The following BMPR1A variants were observed in gnomAD, a reference collection of about 807,000 sequenced individuals.
BMPR1A encodes the protein bone morphogenetic protein receptor type-1A.
BMPR1A carries 7 observed loss-of-function variants against 66.0 expected under a neutral mutation model. The ratio of observed to expected loss-of-function variants is 0.11; its 90% CI spans 0.06 to 0.20. BMPR1A has a LOEUF of 0.20. Among genes scored for constraint, BMPR1A ranks in the 10% least tolerant of loss-of-function variants. BMPR1A has a pLI of 1.00. For missense variants in BMPR1A, 408 were observed against 669.1 expected (o/e 0.61, Z 4.31); for synonymous variants, 200 against 229.7 (o/e 0.87, Z 1.17).
At position 86,826,411 on chromosome 10, in the gene BMPR1A, A is replaced by AACACACATACACACACACAC. The variant is rs71477611; in HGVS notation, c.-267-12447_-267-12446insTACACACACACACACACACA. On this transcript the variant is annotated intron_variant, in intron 1 of 12. Transcript: ENST00000372037. ...ATTTGATCCAGAAACCAATCAAGGA[A>AACACACATACACACACACAC]ACACACACACACACACACACACACA... 4.6e-3 allele frequency among the ~76,000 whole-genome samples: 679 copies of AACACACATACACACACACAC among 147,098 alleles called. 5 individuals are homozygous for AACACACATACACACACACAC. The highest frequency in any genetic ancestry group is 0.013 in the African/African-American group (515 of 40,002).
intron 2 of BMPR1A, among the ~76,000 whole-genome samples, chr10:86,841,407 T>C (rs1341171238): frequency 6.6e-6 from 1 of 152,154 alleles, no homozygotes; most frequent in African/African-American, 2.4e-5. Context: ...AATTTGAAAA[T>C]ACAGGTGACC....
At chr10:86,879,811 A>C (rs1215254040) in intron 3 of BMPR1A, among the ~76,000 whole-genome samples, 1 of 152,206 alleles carries the variant, frequency 6.6e-6, no homozygotes, top group African/African-American at 2.4e-5. Context: ...AGTGATAAAG[A>C]TGAAGTGGGA....
At chr10:86,880,043 T>G (rs1842966879) in intron 3 of BMPR1A, among the ~76,000 whole-genome samples, 1 of 152,248 alleles carries the variant, frequency 6.6e-6, no homozygotes, top group Non-Finnish European at 1.5e-5. Context: ...TTGTGGAGAC[T>G]GAACAGCTTT....
downstream of BMPR1A, chr10:86,932,619 A>G (rs1392494148): frequency 5.3e-5 from 8 of 152,366 alleles, no homozygotes. Context: ...ACCCGCTCCA[A>G]GAGAGCTGAG....
At chr10:86,867,449 T>C (rs1842800528) in intron 2 of BMPR1A, among the ~76,000 whole-genome samples, 1 of 152,238 alleles carries the variant, frequency 6.6e-6, no homozygotes, top group African/African-American at 2.4e-5. Flanking sequence ...TCGCCTGTTT[T>C]TGGTCATTTC....
At chr10:86,786,970 C>T (rs901342674) in intron 1 of BMPR1A, among the ~76,000 whole-genome samples, 2 of 152,124 alleles carry the variant, frequency 1.3e-5, no homozygotes, top group Non-Finnish European at 2.9e-5. Context: ...AATCAGGCGG[C>T]TAGCTAGTTT....
chr10:86,866,762 T>C (rs1842793085), intron 2 of BMPR1A, among the ~76,000 whole-genome samples: 1 of 152,102 alleles, frequency 6.6e-6, no homozygotes, highest in Admixed American at 6.6e-5. Context: ...ACTTCCAGTT[T>C]CCTGTTTAAC....
intron 1 of BMPR1A, among the ~76,000 whole-genome samples, chr10:86,817,228 T>A (rs1001779632): frequency 6.6e-6 from 1 of 152,228 alleles, no homozygotes; most frequent in African/African-American, 2.4e-5. Flanking sequence ...ACTCATCTTG[T>A]AAAGCTGAAA....
At chr10:86,861,137 G>T (rs528504097) in intron 2 of BMPR1A, among the ~76,000 whole-genome samples, 3 of 152,180 alleles carry the variant, frequency 2.0e-5, no homozygotes, top group African/African-American at 7.2e-5. Context: ...CACCGCGCCT[G>T]GCCTAGAACT....
At chr10:86,910,374 A>G (rs765259715) in intron 7 of BMPR1A, among the ~76,000 whole-genome samples, 11 of 152,152 alleles carry the variant, frequency 7.2e-5, no homozygotes, top group Middle Eastern at 3.2e-3. Flanking sequence ...AAGATTACCA[A>G]TAGGTGAATG....
chr10:86,803,300 C>CA (rs1433519096), intron 1 of BMPR1A, among the ~76,000 whole-genome samples: 11 of 151,016 alleles, frequency 7.3e-5, no homozygotes, highest in Admixed American at 6.0e-4. Context: ...AGGCTGATCT[C>CA]AAACTCCTGG....
intron 1 of BMPR1A, among the ~76,000 whole-genome samples, chr10:86,834,339 C>A (rs1312208519): frequency 6.6e-6 from 1 of 152,160 alleles, no homozygotes; most frequent in Non-Finnish European, 1.5e-5. Context: ...AGTTTTGTAT[C>A]ATTGAGTTGT....
At chr10:86,856,733 G>A (rs953230025) in intron 2 of BMPR1A, among the ~76,000 whole-genome samples, 1 of 152,114 alleles carries the variant, frequency 6.6e-6, no homozygotes, top group Non-Finnish European at 1.5e-5. Context: ...AGGTTTAAGG[G>A]TGCAGTTCCC....
intron 1 of BMPR1A, among the ~76,000 whole-genome samples, chr10:86,777,981 C>G (rs1174480625): frequency 2.7e-5 from 4 of 150,432 alleles, no homozygotes; most frequent in Admixed American, 6.6e-5. Context: ...CCATTGCACT[C>G]CAGCCTGGGT....
intron 1 of BMPR1A, among the ~76,000 whole-genome samples, chr10:86,822,340 A>G (rs893572082): frequency 3.3e-5 from 5 of 152,118 alleles, no homozygotes; most frequent in African/African-American, 1.2e-4. Context: ...TTTTTTGTTA[A>G]TGGTTTGAAA....
chr10:86,855,806 G>T, intron 2 of BMPR1A: 1 of 1,123,590 alleles, frequency 8.9e-7, no homozygotes, highest in Non-Finnish European at 1.3e-6. Flanking sequence ...TCTGTTTCCT[G>T]GTAGAATGGA....
At chr10:86,836,248 A>G (rs955574095) in intron 1 of BMPR1A, among the ~76,000 whole-genome samples, 1 of 152,184 alleles carries the variant, frequency 6.6e-6, no homozygotes, top group Non-Finnish European at 1.5e-5. Flanking sequence ...TTTTATGTGT[A>G]TACATATTTA....
At chr10:86,812,365 GTTGA>G (rs1841983039) in intron 1 of BMPR1A, among the ~76,000 whole-genome samples, 1 of 152,180 alleles carries the variant, frequency 6.6e-6, no homozygotes, top group South Asian at 2.1e-4. Flanking sequence ...CCTTTCTGTG[GTTGA>G]TTATCATTCC....
intron 1 of BMPR1A, among the ~76,000 whole-genome samples, chr10:86,763,715 G>C (rs1841113760): frequency 6.6e-6 from 1 of 151,636 alleles, no homozygotes; most frequent in Non-Finnish European, 1.5e-5. Context: ...TTAGCCTTTG[G>C]GTAAAGTATC....
Sources: gnomAD v4.1 joint callset for allele counts (sites outside exome capture counted in the v4.1 genomes callset) on GRCh38, gnomAD v4.1.1 for gene constraint, MANE v1.5 for transcripts, NCBI Gene and HGNC (gene_info 2026-07-23, HGNC 2026-07-21) for gene names.